Variants in THEMIS observed in about 807,000 individuals in gnomAD.
THEMIS encodes the protein protein THEMIS.
A neutral mutation model predicts 52.6 loss-of-function variants in THEMIS; 37 were observed. The observed-to-expected ratio is 0.70, with a 90% CI of 0.54 to 0.93. The LOEUF (loss-of-function observed/expected upper bound fraction) is 0.93. Ranked by LOEUF, THEMIS falls within the 40% of genes least tolerant of loss-of-function variation. THEMIS has a pLI of 0.00. For missense variants in THEMIS, 808 were observed against 763.1 expected, an observed-to-expected ratio of 1.06 and a Z score of -0.69; for synonymous variants, 292 against 272.7, an observed-to-expected ratio of 1.07 and a Z score of -0.70.
At chr6:127,905,803 A>G (rs1781253942), upstream of THEMIS, among the ~76,000 whole-genome samples, 2 of 149,420 alleles carry the variant, frequency 1.3e-5, no homozygotes, top group African/African-American at 4.9e-5. Context: ...TGTAATTTCT[A>G]GGAAAGCCAC....
At chr6:127,769,067 C>A (rs1776290210) in intron 4 of THEMIS, among the ~76,000 whole-genome samples, 3 of 152,176 alleles carry the variant, frequency 2.0e-5, no homozygotes, top group African/African-American at 4.8e-5. Flanking sequence ...AGCTGGCTGG[C>A]TGGATTCTGG....
rs185475475 is a variant in THEMIS at position 127,871,465 on chromosome 6, A to T, written c.92-16277T>A. On this transcript the variant is annotated intron_variant, in intron 1 of 5. Transcript: ENST00000368248. The stretch of plus-strand genomic sequence containing the variant: ...CCTCAAATCAGTAATCTAAGCTCAT[A>T]ATTCAAGAATATGGAAAAAGAAACA... 3.3e-5 allele frequency among the ~76,000 whole-genome samples: 5 copies of T among 152,148 alleles called. No homozygotes were observed. In the East Asian group the frequency reaches 7.7e-4, roughly 23 times the overall value.
intron 1 of THEMIS, among the ~76,000 whole-genome samples, chr6:127,887,673 G>A (rs1260405968): frequency 6.6e-6 from 1 of 152,096 alleles, no homozygotes; most frequent in African/African-American, 2.4e-5. Context: ...ACAGAAAGCA[G>A]ATCAGTTGTT....
chr6:127,905,661 C>A (rs1273239243), upstream of THEMIS, among the ~76,000 whole-genome samples: 1 of 151,818 alleles, frequency 6.6e-6, no homozygotes, highest in African/African-American at 2.4e-5. Flanking sequence ...ATAGTTCATG[C>A]AATATATTGT....
intron 2 of THEMIS, among the ~76,000 whole-genome samples, chr6:127,834,920 G>A (rs776274005): frequency 2.0e-5 from 3 of 152,072 alleles, no homozygotes; most frequent in African/African-American, 7.2e-5. Flanking sequence ...TAAATGTGCC[G>A]CACGTCATAC....
rs764902397 is a variant in THEMIS, at chr6:127,813,067, G to C, written c.1574C>G (p.Pro525Arg). The C allele has an allele frequency of 2.5e-6, 4 of 1,614,070 alleles. 1 individual carries two copies. The South Asian group carries it at 4.4e-5, about 18-fold the overall frequency. ...LVSNFSRDAE[P>R]FLVRTLVEEI... ...TTCTACCAGAGTCCTGACTAGAAAT[G>C]GTTCTGCATCCCTAGAGAAATTACT... Residue 525 changes from proline (P) to arginine (R), a missense_variant, in exon 4 of 6, where the codon CCA (proline) becomes CGA (arginine). By Grantham distance (103) the Pro-to-Arg change is moderately radical (BLOSUM62 -2). Coordinates refer to ENST00000368248, the MANE Select transcript of THEMIS (RefSeq NM_001010923.3).
chr6:127,764,872 C>A (rs888260772), intron 4 of THEMIS, among the ~76,000 whole-genome samples: 1 of 151,938 alleles, frequency 6.6e-6, no homozygotes, highest in Non-Finnish European at 1.5e-5. Context: ...ATTAGACCCC[C>A]CAATTGCAGT....
chr6:127,837,053 C>T (rs1284990712), intron 2 of THEMIS, among the ~76,000 whole-genome samples: 1 of 152,114 alleles, frequency 6.6e-6, no homozygotes, highest in Admixed American at 6.6e-5. Flanking sequence ...TGAAGATAAA[C>T]AAATTGGGGT....
In THEMIS at chr6:127,787,846, C is replaced by T. The variant is rs200848151; in HGVS notation, c.1758+25037G>A. On this transcript the variant is annotated intron_variant, in intron 4 of 5. Coordinates refer to ENST00000368248, the MANE Select transcript of THEMIS (RefSeq NM_001010923.3). ...AGATAGATAGATAGATAGAGATAGACAGATATAGATAGATAGATAGATAGA... is the reference window on the plus strand; with the variant it reads ...AGATAGATAGATAGATAGAGATAGATAGATATAGATAGATAGATAGATAGA... 3.2e-3 allele frequency among the ~76,000 whole-genome samples: 320 copies of T among 100,302 alleles called. 2 individuals carry two copies. Among genetic ancestry groups the T allele is most frequent in the East Asian group, 0.01 (38 of 3,748 alleles). 65.8% of individuals were successfully genotyped at this position (100,302 alleles called of 152,430 possible).
At chr6:127,822,003 G>T (rs902742564) in intron 3 of THEMIS, among the ~76,000 whole-genome samples, 1 of 151,808 alleles carries the variant, frequency 6.6e-6, no homozygotes, top group African/African-American at 2.4e-5. Flanking sequence ...CCAACTTCTA[G>T]TTCCTCCATT....
intron 4 of THEMIS, among the ~76,000 whole-genome samples, chr6:127,746,754 ATAT>A (rs1775408719): frequency 2.4e-5 from 2 of 82,382 alleles, no homozygotes; most frequent in African/African-American, 5.5e-5. Context: ...ATATAATTAT[ATAT>A]TATTATATAA....
chr6:127,812,572 T>A (rs1583304414), intron 4 of THEMIS, among the ~76,000 whole-genome samples: 1 of 152,220 alleles, frequency 6.6e-6, no homozygotes, highest in East Asian at 1.9e-4. Flanking sequence ...TAAAAGAGGT[T>A]TGCTTCTAAG....
chr6:127,915,554 G>C (rs1365800684), intron 1 of THEMIS, among the ~76,000 whole-genome samples: 1 of 148,468 alleles, frequency 6.7e-6, no homozygotes, highest in African/African-American at 2.5e-5. Context: ...GCAGGAGGGG[G>C]CTAGGGGTGG....
At chr6:127,749,421 A>C (rs150210755) in intron 4 of THEMIS, among the ~76,000 whole-genome samples, 1 of 152,202 alleles carries the variant, frequency 6.6e-6, no homozygotes, top group African/African-American at 2.4e-5. Context: ...GAAGTATTGC[A>C]CATCAGCAGC....
At chr6:127,850,119 C>A (rs1347331354) in intron 2 of THEMIS, among the ~76,000 whole-genome samples, 2 of 151,900 alleles carry the variant, frequency 1.3e-5, no homozygotes, top group African/African-American at 4.8e-5. Context: ...CACATATGAA[C>A]AACAAACATA....
the THEMIS span, among the ~76,000 whole-genome samples, chr6:127,700,227 G>C: frequency 6.6e-6 from 1 of 151,728 alleles, no homozygotes; most frequent in East Asian, 1.9e-4. Context: ...GTGCTATTTA[G>C]TCTAATTAGC....
chr6:127,915,557 A>G (rs1194553584), intron 1 of THEMIS, among the ~76,000 whole-genome samples: 1 of 132,610 alleles, frequency 7.5e-6, no homozygotes, highest in African/African-American at 3.0e-5. Flanking sequence ...GGAGGGGGCT[A>G]GGGGTGGGGA....
chr6:127,719,965 G>T, intron 4 of THEMIS, 142 bp from the exon 5 acceptor site: 3 of 1,066,256 alleles, frequency 2.8e-6, no homozygotes, highest in Non-Finnish European at 4.0e-6. Flanking sequence ...CAAATTATAT[G>T]TTCATCAATA....
chr6:127,797,041 G>A (rs1777353479), intron 4 of THEMIS, among the ~76,000 whole-genome samples: 1 of 152,184 alleles, frequency 6.6e-6, no homozygotes, highest in South Asian at 2.1e-4. Flanking sequence ...TCTTCCTGCT[G>A]TAGCTTAATC....
Sources: allele counts gnomAD v4.1 joint callset (sites outside exome capture counted in the v4.1 genomes callset), GRCh38; gene constraint gnomAD v4.1.1; transcripts MANE v1.5; gene names NCBI Gene and HGNC (gene_info 2026-07-23, HGNC 2026-07-21).